Variants in CENPP observed in about 807,000 individuals in gnomAD.
The protein encoded by CENPP is centromere protein P.
A neutral mutation model predicts 35.6 loss-of-function variants in CENPP; 24 were observed. That is an observed-to-expected ratio of 0.67 (90% CI 0.49 to 0.95). The LOEUF (loss-of-function observed/expected upper bound fraction) is 0.95, where lower values mean the gene tolerates loss of function less well. CENPP is among the 40% of genes least tolerant of loss of function. CENPP has a pLI of 0.00. For synonymous variants in CENPP, 120 were observed against 125.5 expected (o/e 0.96, Z 0.29); for missense variants, 332 against 345.3 (o/e 0.96, Z 0.31).
chr9:92,567,369 G>GATAT (rs888840109), intron 5 of CENPP, among the ~76,000 whole-genome samples: 7,020 of 103,770 alleles, frequency 0.068, 269 homozygotes, highest in African/African-American at 0.11. Context: ...AGTTACATAA[G>GATAT]ATAGATATAT....
In CENPP at chr9:92,457,292, A is replaced by C. The variant is rs773519082; in HGVS notation, c.564+77433A>C. On this transcript the variant is annotated intron_variant, in intron 5 of 7. Coordinates refer to ENST00000375587, the MANE Select transcript of CENPP (RefSeq NM_001012267.3). The stretch of plus-strand genomic sequence containing the variant: ...GACATTACCAATTACTAATTATTAC[A>C]TTCCAAAGTTCCCAAGCTGAACGCT... 5 of 1,613,458 alleles carry C rather than the reference A, an allele frequency of 3.1e-6. No individual in the cohort carries two copies. The South Asian group carries it at 5.5e-5, about 18-fold the overall frequency.
intron 5 of CENPP, among the ~76,000 whole-genome samples, chr9:92,462,987 G>C (rs1163497322): frequency 6.6e-6 from 1 of 152,180 alleles, no homozygotes; most frequent in African/African-American, 2.4e-5. Context: ...GTGTCCCTTA[G>C]GAAATGGGGA....
At chr9:92,333,599 T>A (rs1840825662) in intron 2 of CENPP, among the ~76,000 whole-genome samples, 1 of 150,742 alleles carries the variant, frequency 6.6e-6, no homozygotes, top group African/African-American at 2.5e-5. Flanking sequence ...AGAAATATCA[T>A]TTTAAAGCCA....
At chr9:92,540,906 A>G (rs2131308542) in intron 5 of CENPP, among the ~76,000 whole-genome samples, 1 of 152,310 alleles carries the variant, frequency 6.6e-6, no homozygotes, top group East Asian at 1.9e-4. Flanking sequence ...TCGATAAAGT[A>G]AAAAACAAAT....
chr9:92,620,004 G>A lies in CENPP; in HGVS notation c.*6855G>A, dbSNP rs10119539. The stretch of plus-strand genomic sequence containing the variant: ...TGTTCAGCAAGGCATCGCTTAGAAC[G>A]ACATTCCCTCCGGAACATCATACAG... On this transcript the variant is annotated 3_prime_UTR_variant, in exon 8 of 8. Coordinates refer to ENST00000375587, the MANE Select transcript of CENPP (RefSeq NM_001012267.3). 9,784 of 184,804 alleles carry A rather than the reference G, an allele frequency of 0.053. 979 individuals are homozygous for A. Among genetic ancestry groups the A allele is most frequent in the African/African-American group, 0.21 (9,162 of 43,786 alleles). The allele number at this position is 184,804 out of a possible 1,614,324, so 11.4% of individuals were successfully genotyped here. A position where few individuals can be genotyped will look rare whatever the true frequency, so the allele number is the denominator to read the frequency against.
chr9:92,611,075 T>C (rs998371205), intron 5 of CENPP: 8 of 588,796 alleles, frequency 1.4e-5, no homozygotes, highest in Middle Eastern at 4.5e-4. Flanking sequence ...AGGGAGGTTA[T>C]GTACAATGTT....
intron 5 of CENPP, among the ~76,000 whole-genome samples, chr9:92,381,361 G>A (rs1842239170): frequency 6.6e-6 from 1 of 151,604 alleles, no homozygotes; most frequent in Admixed American, 6.6e-5. Context: ...ACGGCTCATG[G>A]CAGCTTTGAC....
intron 5 of CENPP, among the ~76,000 whole-genome samples, chr9:92,584,663 A>G (rs1564011778): frequency 6.6e-6 from 1 of 152,164 alleles, no homozygotes; most frequent in Non-Finnish European, 1.5e-5. Flanking sequence ...TGTTCATTCA[A>G]CAGGCTGTTA....
intron 5 of CENPP, among the ~76,000 whole-genome samples, chr9:92,607,036 G>C: frequency 6.6e-6 from 1 of 152,080 alleles, no homozygotes; most frequent in South Asian, 2.1e-4. Context: ...CCAAAAGTCT[G>C]TTAGTTGATC....
chr9:92,345,795 ATTTTACAAAC>A lies in CENPP; in HGVS notation c.467+11_467+20del, dbSNP rs1363195330. On this transcript the variant is annotated intron_variant, in intron 4 of 7. Coordinates refer to ENST00000375587, the MANE Select transcript of CENPP (RefSeq NM_001012267.3). ...AAGTGAATTTGTGTCTAGGTAAGCT[ATTTTACAAAC>A]TTACTTTTTTAGAGAAAAAAAGTAA... 1.3e-6 allele frequency: 2 copies of A among 1,546,148 alleles called. No homozygotes were observed. Among genetic ancestry groups the A allele is most frequent in the Non-Finnish European group, 1.8e-6 (2 of 1,125,194 alleles).
intron 5 of CENPP, 187 bp from the exon 6 acceptor site, chr9:92,611,127 G>C (rs556207593): frequency 3.9e-5 from 24 of 622,610 alleles, no homozygotes; most frequent in Non-Finnish European, 6.6e-5. Flanking sequence ...GGAGGCTGTG[G>C]AGAGACCTAC....
intron 4 of CENPP, among the ~76,000 whole-genome samples, chr9:92,368,754 A>G (rs1841944431): frequency 6.6e-6 from 1 of 151,982 alleles, no homozygotes; most frequent in Non-Finnish European, 1.5e-5. Context: ...TTAAGAATAA[A>G]TGGCTCAGAT....
chr9:92,574,006 C>A (rs959088960), intron 5 of CENPP, among the ~76,000 whole-genome samples: 5 of 152,128 alleles, frequency 3.3e-5, no homozygotes, highest in African/African-American at 1.2e-4. Flanking sequence ...TCACAGCTTC[C>A]CTTGGCTAGG....
At chr9:92,361,334 T>C (rs1203685754) in intron 4 of CENPP, among the ~76,000 whole-genome samples, 1 of 151,340 alleles carries the variant, frequency 6.6e-6, no homozygotes, top group Non-Finnish European at 1.5e-5. Flanking sequence ...AGAGACGGGG[T>C]TTCGCCGTAT....
intron 5 of CENPP, chr9:92,459,614 A>G (rs200524940): frequency 9.8e-5 from 158 of 1,609,852 alleles, no homozygotes; most frequent in Non-Finnish European, 1.3e-4. Flanking sequence ...TCTACTGAAC[A>G]CAAGTAGAAT....
chr9:92,415,583 T>C (rs1258371509), intron 5 of CENPP: 8 of 472,774 alleles, frequency 1.7e-5, no homozygotes, highest in Non-Finnish European at 6.8e-6. Context: ...ATTCTGTTAA[T>C]TAAAATATTT....
At chr9:92,499,919 GTGA>G (rs1335079319) in intron 5 of CENPP, among the ~76,000 whole-genome samples, 1 of 152,180 alleles carries the variant, frequency 6.6e-6, no homozygotes, top group African/African-American at 2.4e-5. Context: ...CTAGGCAGGA[GTGA>G]TGATTCAGTA....
chr9:92,602,186 C>G (rs1850939009), intron 5 of CENPP, among the ~76,000 whole-genome samples: 1 of 152,142 alleles, frequency 6.6e-6, no homozygotes, highest in East Asian at 1.9e-4. Context: ...CAATAGTGAT[C>G]TTAAACAGGT....
In CENPP at chr9:92,492,214, CT is replaced by C. The variant is rs571752390; in HGVS notation, c.564+112358del. ...GCTGCCAAAAATTTGGGGTTTTATC[CT>C]TTAGCTATATACCTGTAATTTGTGG... is the stretch of plus-strand genomic sequence containing the variant. On this transcript the variant is annotated intron_variant, in intron 5 of 7. Coordinates refer to ENST00000375587, the MANE Select transcript of CENPP (RefSeq NM_001012267.3). 4.8e-4 allele frequency among the ~76,000 whole-genome samples: 73 copies of C among 152,306 alleles called. No homozygotes were observed. In the East Asian group the frequency reaches 0.013, roughly 27 times the overall value.
Sources: gnomAD v4.1 joint callset for allele counts (sites outside exome capture counted in the v4.1 genomes callset) on GRCh38, gnomAD v4.1.1 for gene constraint, MANE v1.5 for transcripts, NCBI Gene and HGNC (gene_info 2026-07-23, HGNC 2026-07-21) for gene names.